SLC2A9: variants seen among roughly 807,000 people sequenced by gnomAD.
SLC2A9 encodes the protein solute carrier family 2, facilitated glucose transporter member 9.
Under a neutral mutation model 50.6 loss-of-function variants are expected in SLC2A9, and 39 were observed. That is an observed-to-expected ratio of 0.77 (90% CI 0.60 to 1.01). The LOEUF (loss-of-function observed/expected upper bound fraction) is 1.01. Among genes scored for constraint, SLC2A9 ranks in the 50% least tolerant of loss-of-function variants. The pLI is 0.00. For synonymous variants in SLC2A9, 324 were observed against 276.9 expected (o/e 1.17, Z -1.69); for missense variants, 686 against 677.6 (o/e 1.01, Z -0.14).
intron 7 of SLC2A9, among the ~76,000 whole-genome samples, chr4:9,911,983 C>A (rs1006187972): frequency 6.6e-6 from 1 of 152,282 alleles, no homozygotes; most frequent in South Asian, 2.1e-4. Context: ...AGTTCATGTC[C>A]TTTGTAGGGA....
chr4:9,808,523 A>G (rs938194439), intron 3 of SLC2A9, among the ~76,000 whole-genome samples: 20 of 152,212 alleles, frequency 1.3e-4, no homozygotes, highest in Non-Finnish European at 8.8e-5. Context: ...TTGTATTTAT[A>G]GTAATAATAG....
intron 10 of SLC2A9, among the ~76,000 whole-genome samples, chr4:9,886,424 CTG>C (rs59081583): frequency 0.11 from 15,369 of 135,306 alleles, 1,059 homozygotes; most frequent in Middle Eastern, 0.17. Flanking sequence ...CCTCATAGCA[CTG>C]TGTGTGTGTG....
At chr4:9,909,397 G>A (rs1279178727) in intron 7 of SLC2A9, among the ~76,000 whole-genome samples, 3 of 152,220 alleles carry the variant, frequency 2.0e-5, no homozygotes, top group African/African-American at 7.2e-5. Flanking sequence ...TATTTCATGT[G>A]AGACTGAAAA....
chr4:9,886,023 T>C (rs1165324477), intron 10 of SLC2A9, among the ~76,000 whole-genome samples: 1 of 152,188 alleles, frequency 6.6e-6, no homozygotes, highest in African/African-American at 2.4e-5. Context: ...GGTGATGAGA[T>C]AGAGGGTAGG....
Position 9,784,364 on chromosome 4 carries a change from A to G in SLC2A9, n.386-4299T>C, listed in dbSNP as rs183013949. ...CTAGACAGATGCGATCAGTTCATTGAAAAGATCATGTAGAATAATATCTTG... is the reference window on the plus strand; with the variant it reads ...CTAGACAGATGCGATCAGTTCATTGGAAAGATCATGTAGAATAATATCTTG... On this transcript the variant is annotated intron_variant and non_coding_transcript_variant, in intron 3 of 3. Transcript: ENST00000503803. Among the ~76,000 whole-genome samples the G allele has an allele frequency of 1.8e-4, 27 of 152,346 alleles. No homozygotes were observed. In the East Asian group the frequency reaches 5.0e-3, roughly 28 times the overall value.
chr4:9,937,950 G>A (rs559286724), intron 6 of SLC2A9, among the ~76,000 whole-genome samples: 57 of 152,302 alleles, frequency 3.7e-4, no homozygotes, highest in Non-Finnish European at 7.6e-4. Flanking sequence ...GCATTTACCT[G>A]GGCCTGCCCG....
At chr4:9,923,366 G>C (rs1744282336) in intron 6 of SLC2A9, among the ~76,000 whole-genome samples, 1 of 152,198 alleles carries the variant, frequency 6.6e-6, no homozygotes, top group Admixed American at 6.5e-5. Context: ...ACCTGTTTGT[G>C]TAAGTTCATA....
intron 10 of SLC2A9, among the ~76,000 whole-genome samples, chr4:9,857,361 G>A (rs566663391): frequency 7.0e-4 from 107 of 152,316 alleles, no homozygotes; most frequent in African/African-American, 2.3e-3. Context: ...GATAGAGCCC[G>A]GAAGGAGCCA....
intron 8 of SLC2A9, among the ~76,000 whole-genome samples, chr4:9,892,160 G>T (rs368912184): frequency 1.3e-4 from 20 of 152,356 alleles, no homozygotes; most frequent in African/African-American, 3.8e-4. Context: ...GGCAGAGCCG[G>T]CACTGAGGGG....
At chr4:10,003,414 A>G (rs767623601) in intron 2 of SLC2A9, among the ~76,000 whole-genome samples, 2 of 152,158 alleles carry the variant, frequency 1.3e-5, no homozygotes, top group Non-Finnish European at 2.9e-5. Context: ...CCCACTACCA[A>G]GCATTGCTTT....
intron 3 of SLC2A9, among the ~76,000 whole-genome samples, chr4:9,990,365 G>C (rs1757481311): frequency 1.3e-5 from 2 of 152,096 alleles, no homozygotes; most frequent in Admixed American, 1.3e-4. Context: ...CTGTGTACAA[G>C]CTGCTGTGTT....
intron 5 of SLC2A9, 114 bp from the exon 6 acceptor site, chr4:9,942,159 TC>T: frequency 7.6e-7 from 1 of 1,307,822 alleles, no homozygotes; most frequent in Non-Finnish European, 1.1e-6. Flanking sequence ...CCCAGCATGA[TC>T]CCCAGGAACA....
At chr4:9,886,130 G>A (rs1012482518) in intron 10 of SLC2A9, among the ~76,000 whole-genome samples, 1 of 152,112 alleles carries the variant, frequency 6.6e-6, no homozygotes, top group African/African-American at 2.4e-5. Context: ...ACATCTCAGA[G>A]GGGACTTCCA....
At chr4:9,923,057 C>G (rs1372213959) in intron 6 of SLC2A9, 1 of 152,264 alleles carries the variant, frequency 6.6e-6, no homozygotes, top group East Asian at 1.9e-4. Context: ...CACATGCACC[C>G]TTTCTGGCTG....
chr4:9,802,821 C>T (rs897807895), intron 3 of SLC2A9, among the ~76,000 whole-genome samples: 1 of 152,140 alleles, frequency 6.6e-6, no homozygotes, highest in Admixed American at 6.5e-5. Context: ...GCCTTGGCCT[C>T]CCAAAGTGCT....
chr4:9,895,967 T>C (rs1370291479), intron 8 of SLC2A9, among the ~76,000 whole-genome samples: 3 of 152,264 alleles, frequency 2.0e-5, no homozygotes, highest in Admixed American at 6.5e-5. Flanking sequence ...TTTGTATTGC[T>C]GATCAGTATT....
intron 6 of SLC2A9, chr4:9,924,116 T>G (rs561983640): frequency 1.3e-5 from 2 of 152,112 alleles, no homozygotes; most frequent in East Asian, 3.9e-4. Flanking sequence ...ATATGGTGAT[T>G]AAAAAAAGAA....
At chr4:9,821,545 T>C (rs1474146760), downstream of SLC2A9, among the ~76,000 whole-genome samples, 2 of 152,144 alleles carry the variant, frequency 1.3e-5, no homozygotes, top group South Asian at 2.1e-4. Context: ...ATATCTAATG[T>C]AGATGACAGG....
intron 4 of SLC2A9, among the ~76,000 whole-genome samples, chr4:9,981,679 C>A (rs962619870): frequency 4.6e-5 from 7 of 152,124 alleles, no homozygotes; most frequent in African/African-American, 1.7e-4. Flanking sequence ...TATGGGACTC[C>A]GTTATGGCAG....
Sources: allele counts gnomAD v4.1 joint callset (sites outside exome capture counted in the v4.1 genomes callset), GRCh38; gene constraint gnomAD v4.1.1; transcripts MANE v1.5; gene names NCBI Gene and HGNC (gene_info 2026-07-23, HGNC 2026-07-21).